The following NEAT1 variants were observed in gnomAD, a reference collection of about 807,000 sequenced individuals.
NEAT1 encodes MENepsilon/beta.
At chr11:65,425,075 A>G (rs1472428539) in exon 1 of NEAT1, 1 of 152,114 alleles carries the variant, frequency 6.6e-6, no homozygotes, top group African/African-American at 2.4e-5. Context: ...TGGGGAATTT[A>G]GTGCGTGGGT....
At chr11:65,435,500 A>T (rs943135981) in exon 1 of NEAT1, 3 of 151,928 alleles carry the variant, frequency 2.0e-5, no homozygotes, top group Non-Finnish European at 2.9e-5. Flanking sequence ...GATGGCTTTG[A>T]GGTTATTTGC....
exon 1 of NEAT1, chr11:65,432,278 T>A (rs1856619965): frequency 6.6e-6 from 1 of 152,222 alleles, no homozygotes; most frequent in Non-Finnish European, 1.5e-5. Flanking sequence ...CATGTGAAAT[T>A]CTCATATTGA....
At chr11:65,438,419 T>G (rs1460393844) in exon 1 of NEAT1, 1 of 152,238 alleles carries the variant, frequency 6.6e-6, no homozygotes, top group Non-Finnish European at 1.5e-5. Context: ...AAATGTTCTA[T>G]TCAGTGGCTT....
chr11:65,445,323 G>GC (rs1471176422), exon 1 of NEAT1: 7 of 152,264 alleles, frequency 4.6e-5, no homozygotes, highest in Admixed American at 4.6e-4. Flanking sequence ...ATATGCATGT[G>GC]CCATGCTAGG....
chr11:65,435,280 G>A (rs1379332844), exon 1 of NEAT1: 4 of 152,176 alleles, frequency 2.6e-5, no homozygotes, highest in African/African-American at 9.7e-5. Flanking sequence ...GAAGATAAAA[G>A]TTCCTCTATA....
At chr11:65,436,842 A>AGT (rs1326232795) in exon 1 of NEAT1, 1 of 152,102 alleles carries the variant, frequency 6.6e-6, no homozygotes, top group Non-Finnish European at 1.5e-5. Context: ...TACATGGGCA[A>AGT]GTATATCTGT....
At chr11:65,436,678 A>G (rs1157336376) in exon 1 of NEAT1, 1 of 152,148 alleles carries the variant, frequency 6.6e-6, no homozygotes, top group East Asian at 1.9e-4. Context: ...TAAGCACCGC[A>G]TATCTGTATT....
exon 1 of NEAT1, chr11:65,440,380 G>A (rs993039598): frequency 4.6e-5 from 7 of 151,466 alleles, no homozygotes; most frequent in Admixed American, 3.9e-4. Flanking sequence ...AGGATTGCTT[G>A]AGCCCAGGAG....
exon 1 of NEAT1, chr11:65,430,134 G>C (rs1856601530): frequency 6.6e-6 from 1 of 152,308 alleles, no homozygotes; most frequent in African/African-American, 2.4e-5. Flanking sequence ...GCCTGTGTCT[G>C]TGAAATGCGG....
chr11:65,423,311 C>T (rs1373239446), exon 1 of NEAT1: 3 of 152,440 alleles, frequency 2.0e-5, no homozygotes, highest in African/African-American at 7.2e-5. Flanking sequence ...GGCTGTGAAC[C>T]CGCCTGGGGA....
exon 1 of NEAT1, chr11:65,442,534 A>G (rs1197054362): frequency 2.6e-5 from 4 of 152,240 alleles, no homozygotes; most frequent in African/African-American, 9.6e-5. Context: ...GGCCACCATG[A>G]GGATTCAGGA....
chr11:65,431,182 C>T (rs769486682), exon 1 of NEAT1: 3 of 152,144 alleles, frequency 2.0e-5, no homozygotes, highest in African/African-American at 7.2e-5. Context: ...ACAGTGTCCT[C>T]GAGATGCGTC....
At chr11:65,426,699 T>A (rs953475630) in exon 1 of NEAT1, 4 of 152,312 alleles carry the variant, frequency 2.6e-5, no homozygotes, top group African/African-American at 9.6e-5. Flanking sequence ...TTATCCCAAG[T>A]GGTCTGCAGA....
At chr11:65,423,693 C>T (rs1220479760) in exon 1 of NEAT1, 2 of 152,278 alleles carry the variant, frequency 1.3e-5, no homozygotes, top group African/African-American at 4.8e-5. Context: ...GCTCACTCCA[C>T]CCCTTCTTCC....
chr11:65,445,163 C>T (rs998699394), exon 1 of NEAT1: 2 of 152,306 alleles, frequency 1.3e-5, no homozygotes, highest in African/African-American at 4.8e-5. Context: ...CACACAGAAG[C>T]TTGTGCCTCT....
exon 1 of NEAT1, chr11:65,435,341 C>T (rs1856649128): frequency 1.3e-5 from 2 of 152,200 alleles, no homozygotes; most frequent in African/African-American, 4.8e-5. Flanking sequence ...TATATTCCTT[C>T]AGACATTTTC....
At chr11:65,443,004 G>A (rs1856728798) in exon 1 of NEAT1, 1 of 152,216 alleles carries the variant, frequency 6.6e-6, no homozygotes, top group Admixed American at 6.5e-5. Flanking sequence ...TTTTTTAAAT[G>A]TGTGGCTCCC....
chr11:65,438,996 C>T (rs1403006035), exon 1 of NEAT1: 1 of 152,198 alleles, frequency 6.6e-6, no homozygotes, highest in Non-Finnish European at 1.5e-5. Context: ...TTTCACATTC[C>T]CACCAGTAAG....
exon 1 of NEAT1, chr11:65,437,183 T>TTATATATATATA (rs1197288595): frequency 7.2e-6 from 1 of 139,098 alleles, no homozygotes; most frequent in Non-Finnish European, 1.5e-5. Context: ...GCTCTTTAGT[T>TTATATATATATA]TATATATATA....
Sources: allele counts gnomAD v4.1 joint callset, GRCh38; gene constraint gnomAD v4.1.1; transcripts MANE v1.5; gene names NCBI Gene and HGNC (gene_info 2026-07-23, HGNC 2026-07-21).